SHISA9: variants seen among roughly 807,000 people sequenced by gnomAD.
SHISA9 encodes the protein protein shisa-9.
In SHISA9, 13 loss-of-function variants were observed where a neutral mutation model predicts 38.0. The ratio of observed to expected loss-of-function variants is 0.34; its 90% CI spans 0.22 to 0.54. The LOEUF is 0.54. Ranked by LOEUF, SHISA9 falls within the 20% of genes least tolerant of loss-of-function variation. The pLI, the probability that SHISA9 is intolerant of heterozygous loss-of-function variation, is 0.91. For missense variants in SHISA9, 538 were observed against 575.8 expected, an observed-to-expected ratio of 0.93 and a Z score of 0.67; for synonymous variants, 275 against 242.0, an observed-to-expected ratio of 1.14 and a Z score of -1.27.
chr16:12,919,993 C>G (rs553384135), intron 2 of SHISA9, among the ~76,000 whole-genome samples: 1 of 152,196 alleles, frequency 6.6e-6, no homozygotes, highest in Non-Finnish European at 1.5e-5. Context: ...CCCCGACTTC[C>G]CTGACTGCCA....
chr16:13,078,183 G>A (rs892456586), intron 2 of SHISA9, among the ~76,000 whole-genome samples: 1 of 152,146 alleles, frequency 6.6e-6, no homozygotes, highest in Non-Finnish European at 1.5e-5. Context: ...ATCCGCAGGG[G>A]ATTGGTTCCA....
chr16:13,097,737 C>T (rs980386772), intron 2 of SHISA9, among the ~76,000 whole-genome samples: 2 of 151,964 alleles, frequency 1.3e-5, no homozygotes, highest in Admixed American at 6.6e-5. Flanking sequence ...TTGACTTTGG[C>T]GGAAGTGTCA....
chr16:13,133,258 C>A (rs975654316), intron 2 of SHISA9, among the ~76,000 whole-genome samples: 2 of 152,148 alleles, frequency 1.3e-5, no homozygotes, highest in Admixed American at 6.5e-5. Context: ...GGAAAGTGTG[C>A]AAATGTTGAA....
At chr16:13,253,967 G>C in the SHISA9 span, among the ~76,000 whole-genome samples, 1 of 151,850 alleles carries the variant, frequency 6.6e-6, no homozygotes, top group Admixed American at 6.6e-5. Flanking sequence ...ACTGAAAAAT[G>C]TCTTCTCAAA....
chr16:13,017,333 G>A (rs567525261), intron 2 of SHISA9, among the ~76,000 whole-genome samples: 1 of 152,128 alleles, frequency 6.6e-6, no homozygotes, highest in African/African-American at 2.4e-5. Flanking sequence ...TCTTCTGAAA[G>A]TATGAAATTT....
the SHISA9 span, among the ~76,000 whole-genome samples, chr16:13,516,035 C>T: frequency 6.6e-6 from 1 of 152,210 alleles, no homozygotes; most frequent in East Asian, 1.9e-4. Flanking sequence ...TTGCCTGTGA[C>T]TTATCTTACC....
the SHISA9 span, among the ~76,000 whole-genome samples, chr16:13,421,357 G>A: frequency 6.6e-6 from 1 of 152,192 alleles, no homozygotes; most frequent in Non-Finnish European, 1.5e-5. Flanking sequence ...CATGGCTGAG[G>A]AGTCCTCAGA....
At chr16:13,008,812 T>G (rs1347873723) in intron 2 of SHISA9, among the ~76,000 whole-genome samples, 1 of 152,022 alleles carries the variant, frequency 6.6e-6, no homozygotes, top group Non-Finnish European at 1.5e-5. Flanking sequence ...TTTTTCTTCA[T>G]AAATTACCCA....
At chr16:13,452,606 C>T in the SHISA9 span, among the ~76,000 whole-genome samples, 47 of 152,282 alleles carry the variant, frequency 3.1e-4, no homozygotes, top group African/African-American at 1.1e-3. Flanking sequence ...CTTCCTACTA[C>T]TTTGGGCAAG....
chr16:12,906,060 C>T (rs1596520593), intron 1 of SHISA9, among the ~76,000 whole-genome samples: 2 of 152,286 alleles, frequency 1.3e-5, no homozygotes, highest in East Asian at 1.9e-4. Context: ...CGGATTGTGC[C>T]AAGGGTTGCT....
At chr16:13,318,594 G>A in the SHISA9 span, among the ~76,000 whole-genome samples, 1 of 152,076 alleles carries the variant, frequency 6.6e-6, no homozygotes, top group African/African-American at 2.4e-5. Flanking sequence ...CCAAAGTGCT[G>A]GGATTTGGGA....
chr16:13,203,254 T>C (rs891627148), intron 2 of SHISA9, 140 bp from the exon 3 acceptor site: 5 of 692,282 alleles, frequency 7.2e-6, no homozygotes, highest in Non-Finnish European at 1.1e-5. Context: ...GTCCCATGTA[T>C]CTGTGAACCC....
At chr16:13,288,219 G>C in the SHISA9 span, among the ~76,000 whole-genome samples, 2 of 152,136 alleles carry the variant, frequency 1.3e-5, no homozygotes, top group African/African-American at 4.8e-5. Context: ...GGACCATGTT[G>C]GCTATTGGTC....
At chr16:13,498,998 G>C in the SHISA9 span, among the ~76,000 whole-genome samples, 2 of 152,140 alleles carry the variant, frequency 1.3e-5, no homozygotes, top group Non-Finnish European at 1.5e-5. Context: ...CTGTTCTCCA[G>C]ACATAAGGTG....
chr16:13,414,080 C>T, the SHISA9 span, among the ~76,000 whole-genome samples: 1 of 152,174 alleles, frequency 6.6e-6, no homozygotes, highest in Non-Finnish European at 1.5e-5. Flanking sequence ...GTCTTTTCCC[C>T]ATGAGTTGAA....
Position 13,079,075 on chromosome 16 carries a change from G to A in SHISA9, c.692-124319G>A, listed in dbSNP as rs370043385. On this transcript the variant is annotated intron_variant, in intron 2 of 4. Coordinates refer to ENST00000558583, the MANE Select transcript of SHISA9 (RefSeq NM_001145204.3). ...GCTTTGATTCCCTCCTCTTTAAAAC[G>A]TGGCTAATAGAACTTTCCTCAGATA... Among the ~76,000 whole-genome samples, 201 of 152,282 alleles carry A rather than the reference G, an allele frequency of 1.3e-3. 1 individual carries two copies. The highest frequency in any genetic ancestry group is 2.1e-3 in the Admixed American group (32 of 15,290).
At chr16:13,460,764 C>A in the SHISA9 span, among the ~76,000 whole-genome samples, 2 of 152,192 alleles carry the variant, frequency 1.3e-5, no homozygotes, top group African/African-American at 2.4e-5. Flanking sequence ...CCTTCCTTCT[C>A]TCTGGTGTGA....
At chr16:13,491,817 CCTTTTTTTTTTTTTTT>C in the SHISA9 span, among the ~76,000 whole-genome samples, 2 of 46,926 alleles carry the variant, frequency 4.3e-5, no homozygotes, top group South Asian at 1.5e-3. Context: ...TATTTATTGA[CCTTTTTTTTTTTTTTT>C]TTTTTTTTTT....
the SHISA9 span, among the ~76,000 whole-genome samples, chr16:13,528,054 G>A: frequency 6.6e-6 from 1 of 152,108 alleles, no homozygotes; most frequent in Admixed American, 6.6e-5. Context: ...ATTTCATGTG[G>A]CTGTTGGGAA....
Sources: gnomAD v4.1 joint callset for allele counts (sites outside exome capture counted in the v4.1 genomes callset) on GRCh38, gnomAD v4.1.1 for gene constraint, MANE v1.5 for transcripts, NCBI Gene and HGNC (gene_info 2026-07-23, HGNC 2026-07-21) for gene names.